The following KDM8 variants were observed in gnomAD, a reference collection of about 807,000 sequenced individuals.
KDM8 encodes bifunctional peptidase and arginyl-hydroxylase JMJD5.
A neutral mutation model predicts 46.9 loss-of-function variants in KDM8; 35 were observed. That is an observed-to-expected ratio of 0.75 (90% confidence interval 0.57 to 0.99). KDM8 has a LOEUF of 0.99. Among genes scored for constraint, KDM8 ranks in the 50% least tolerant of loss-of-function variants. KDM8 has a pLI of 0.00. For synonymous variants in KDM8, 232 were observed against 227.7 expected, an observed-to-expected ratio of 1.02 and a Z score of -0.17; for missense variants, 475 against 537.0, an observed-to-expected ratio of 0.88 and a Z score of 1.14.
chr16:27,215,143 C>T, intron 4 of KDM8, 135 bp downstream of exon 4: 1 of 1,003,178 alleles, frequency 1.0e-6, no homozygotes, highest in East Asian at 2.5e-5. Flanking sequence ...GGAGGGACGA[C>T]CGCAGCGAGG....
At chr16:27,217,031 G>A (rs2083563073) in intron 5 of KDM8, among the ~76,000 whole-genome samples, 1 of 152,200 alleles carries the variant, frequency 6.6e-6, no homozygotes, top group Non-Finnish European at 1.5e-5. Flanking sequence ...GCCAGGACTT[G>A]AAAGATGTTT....
intron 5 of KDM8, 42 bp from the exon 6 acceptor site, chr16:27,218,919 C>T (rs778348587): frequency 6.2e-7 from 1 of 1,612,948 alleles, no homozygotes. Context: ...GCGGTGTCCC[C>T]AGCCGGATCC....
At chr16:27,217,325 G>A (rs2083566434) in intron 5 of KDM8, among the ~76,000 whole-genome samples, 1 of 152,144 alleles carries the variant, frequency 6.6e-6, no homozygotes. Flanking sequence ...TCACATCTCG[G>A]GAGCACTGAT....
intron 1 of KDM8, chr16:27,206,304 G>C (rs1015762511): frequency 6.0e-6 from 4 of 667,050 alleles, no homozygotes; most frequent in African/African-American, 6.0e-5. Flanking sequence ...ACAGACTCTT[G>C]CTCTGTCACC....
chr16:27,212,162 C>CAGACT (rs2083491172), intron 2 of KDM8, among the ~76,000 whole-genome samples: 1 of 152,154 alleles, frequency 6.6e-6, no homozygotes, highest in Non-Finnish European at 1.5e-5. Flanking sequence ...GGAACCTGAA[C>CAGACT]AGACTGTTCA....
intron 5 of KDM8, 24 bp from the exon 6 acceptor site, chr16:27,218,937 T>G: frequency 1.2e-6 from 2 of 1,613,736 alleles, no homozygotes; most frequent in Non-Finnish European, 1.7e-6. Context: ...TCCCCACATC[T>G]CATGTCTGCT....
chr16:27,204,471 T>C, intron 1 of KDM8: 1 of 678,978 alleles, frequency 1.5e-6, no homozygotes. Context: ...GAAGCTCTTG[T>C]TTTTGCACAA....
chr16:27,213,966 G>A (rs749245163), intron 3 of KDM8: 11 of 513,958 alleles, frequency 2.1e-5, no homozygotes, highest in East Asian at 3.3e-5. Flanking sequence ...TACCTTGCTC[G>A]CCTTAAGCGG....
At chr16:27,215,847 T>G (rs11645703) in intron 4 of KDM8, 98 bp from the exon 5 acceptor site, 710,381 of 1,247,658 alleles carry the variant, frequency 0.57, 205,504 homozygotes, top group East Asian at 0.86. Flanking sequence ...GGGTGACGGG[T>G]GCTGCAGCTG....
Position 27,219,054 on chromosome 16 carries a change from C to T in KDM8, c.937C>T (p.Pro313Ser). The stretch of plus-strand genomic sequence containing the variant: ...AATCACCATCAATGCCTGGTTTGGT[C>T]CCCAGGGAACCATCTCCCCACTACA... ...EEITINAWFGPQGTISPLHQD... is the reference protein window; with the variant it reads ...EEITINAWFGSQGTISPLHQD... Residue 313 changes from proline to serine, a missense_variant, in exon 6 of 8, where the codon CCC (proline) becomes TCC (serine). Coordinates refer to ENST00000286096, the MANE Select transcript of KDM8 (RefSeq NM_024773.3). 6.2e-7 allele frequency: 1 copy of T among 1,613,838 alleles called. No homozygotes were observed.
chr16:27,215,019 G>A lies in KDM8; in HGVS notation c.798+11G>A. On this transcript the variant is annotated intron_variant, in intron 4 of 7. Coordinates refer to ENST00000286096, the MANE Select transcript of KDM8 (RefSeq NM_024773.3). ...TACATCGTGAATGAGGTACATCATGGGGACTGCTTTCCCCTAGTACTTGCA... is the reference window on the plus strand; with the variant it reads ...TACATCGTGAATGAGGTACATCATGAGGACTGCTTTCCCCTAGTACTTGCA... 6.2e-7 allele frequency: 1 copy of A among 1,613,940 alleles called. No individual in the cohort carries two copies. The highest frequency in any genetic ancestry group is 8.5e-7 in the Non-Finnish European group (1 of 1,179,882).
chr16:27,210,360 C>T lies in KDM8; in HGVS notation c.237C>T (p.Leu79=). The T allele has an allele frequency of 6.2e-7, 1 of 1,613,386 alleles. No individual in the cohort carries two copies. Among genetic ancestry groups the T allele is most frequent in the Non-Finnish European group, 8.5e-7 (1 of 1,180,032 alleles). ...TCCTGGACTACTCCTGGGAGAAGCTCAACACGGGCACATGGCAGGACGTAG... is the reference window on the plus strand; with the variant it reads ...TCCTGGACTACTCCTGGGAGAAGCTTAACACGGGCACATGGCAGGACGTAG... The part of the protein sequence containing the change: ...EVILDYSWEK[L]NTGTWQDVDK... The change falls in exon 2 of 8, where the codon CTC becomes CTT. Residue 79 remains leucine (L), a synonymous_variant. Coordinates refer to ENST00000286096, the MANE Select transcript of KDM8 (RefSeq NM_024773.3).
chr16:27,204,037 C>A, intron 1 of KDM8: 4 of 1,467,234 alleles, frequency 2.7e-6, no homozygotes, highest in South Asian at 2.4e-5. Flanking sequence ...GGCAACCAGC[C>A]GCTGCCCCTG....
rs544487425 is a variant in KDM8, at chr16:27,215,763, G to C, written c.799-182G>C. ...CAGTGCTTTACAAACTGGGTACCCCGGTGCTGGAGAGGTTCTTTGAAGCTG... is the reference window on the plus strand; with the variant it reads ...CAGTGCTTTACAAACTGGGTACCCCCGTGCTGGAGAGGTTCTTTGAAGCTG... On this transcript the variant is annotated intron_variant, in intron 4 of 7. Transcript: ENST00000286096. Among the ~76,000 whole-genome samples the C allele has an allele frequency of 8.5e-5, 13 of 152,222 alleles. No individual in the cohort carries two copies. In the South Asian group the frequency reaches 1.7e-3, roughly 19 times the overall value.
intron 3 of KDM8, chr16:27,213,976 G>T (rs894939446): frequency 4.1e-6 from 2 of 486,338 alleles, no homozygotes; most frequent in Non-Finnish European, 7.2e-6. Flanking sequence ...GCCTTAAGCG[G>T]TTTTTTAATG....
intron 5 of KDM8, among the ~76,000 whole-genome samples, chr16:27,218,101 C>T (rs1454217802): frequency 6.6e-6 from 1 of 151,948 alleles, no homozygotes; most frequent in Non-Finnish European, 1.5e-5. Flanking sequence ...GCCTGGACAA[C>T]ATAGCAAGAC....
intron 6 of KDM8, 191 bp from the exon 7 acceptor site, chr16:27,220,202 C>T (rs1400794711): frequency 3.3e-6 from 2 of 601,886 alleles, no homozygotes; most frequent in African/African-American, 3.7e-5. Context: ...GCCTGGATGA[C>T]CGAGTGAGAC....
intron 1 of KDM8, among the ~76,000 whole-genome samples, chr16:27,205,616 C>T (rs2083420511): frequency 1.3e-5 from 2 of 152,084 alleles, no homozygotes; most frequent in African/African-American, 4.8e-5. Context: ...CCAAGCAGAT[C>T]ACCCTGAGGT....
intron 2 of KDM8, chr16:27,211,674 A>ATATTAT (rs201494289): frequency 1.3e-5 from 2 of 151,998 alleles, no homozygotes; most frequent in Non-Finnish European, 2.9e-5. Flanking sequence ...CCTACAATGC[A>ATATTAT]TATTATTATT....
Sources: gnomAD v4.1 joint callset for allele counts (sites outside exome capture counted in the v4.1 genomes callset) on GRCh38, gnomAD v4.1.1 for gene constraint, MANE v1.5 for transcripts, NCBI Gene and HGNC (gene_info 2026-07-23, HGNC 2026-07-21) for gene names.